DNAH5: variants seen among roughly 807,000 people sequenced by gnomAD.
DNAH5 encodes the protein dynein axonemal heavy chain 5, also known as axonemal beta dynein heavy chain 5.
Under a neutral mutation model 518.2 loss-of-function variants are expected in DNAH5, and 372 were observed. The observed-to-expected ratio is 0.72, with a 90% CI of 0.66 to 0.78. The LOEUF (loss-of-function observed/expected upper bound fraction) is 0.78, where lower values mean the gene tolerates loss of function less well. Ranked by LOEUF, DNAH5 falls within the 30% of genes least tolerant of loss-of-function variation. The pLI, the probability that DNAH5 is intolerant of heterozygous loss-of-function variation, is 0.00. For synonymous variants in DNAH5, 2,039 were observed against 2,025.9 expected, an observed-to-expected ratio of 1.01 and a Z score of -0.17; for missense variants, 5,523 against 5,687.0, an observed-to-expected ratio of 0.97 and a Z score of 0.93.
intron 25 of DNAH5, among the ~76,000 whole-genome samples, chr5:13,866,657 T>C (rs193048569): frequency 1.2e-3 from 182 of 152,318 alleles, no homozygotes; most frequent in Middle Eastern, 6.8e-3. Flanking sequence ...TACCCACTTG[T>C]AAAGTGGCCT....
intron 41 of DNAH5, among the ~76,000 whole-genome samples, chr5:13,818,946 C>T (rs1761852306): frequency 1.3e-5 from 2 of 152,138 alleles, no homozygotes; most frequent in Non-Finnish European, 2.9e-5. Flanking sequence ...ACTACTAAAA[C>T]CAAAACCAAG....
intron 75 of DNAH5, among the ~76,000 whole-genome samples, chr5:13,710,153 C>A (rs187716984): frequency 5.9e-4 from 90 of 152,262 alleles, no homozygotes; most frequent in Middle Eastern, 3.4e-3. Context: ...GTGCAGAAAA[C>A]CCCCAGTACC....
chr5:13,853,724 A>G (rs1486410081), intron 30 of DNAH5, among the ~76,000 whole-genome samples: 1 of 151,982 alleles, frequency 6.6e-6, no homozygotes, highest in Non-Finnish European at 1.5e-5. Context: ...TTCGTGAAGC[A>G]TACAGAAGTA....
At position 13,807,819 on chromosome 5, in the gene DNAH5, C is replaced by T. The variant is rs1015223642; in HGVS notation, c.7753-94G>A. 72 of 1,024,840 alleles carry T rather than the reference C, an allele frequency of 7.0e-5. No homozygotes were observed. The African/African-American group carries it at 1.0e-3, about 15-fold the overall frequency. The allele number at this position is 1,024,840 out of a possible 1,614,324, so 63.5% of individuals were successfully genotyped here. ...CAAAATTCATATGCTGAATCTTCAA[C>T]CCCTAGTACCTTAAAATGTGATTCT... On this transcript the variant is annotated intron_variant, in intron 46 of 78. Transcript: ENST00000265104.
At chr5:13,929,373 C>T (rs943921199) in intron 2 of DNAH5, among the ~76,000 whole-genome samples, 2 of 152,080 alleles carry the variant, frequency 1.3e-5, no homozygotes, top group Non-Finnish European at 2.9e-5. Flanking sequence ...ATGGGTACAG[C>T]GTTTCTGTTT....
rs372594127 is a variant in DNAH5, at chr5:13,920,572, C to T, written c.706G>A (p.Glu236Lys). ...CDILELKTLK[E>K]PTDYLTLANN... ...GCTAGAGTCAAGTAGTCCGTAGGTTCCTTTAGGGTTTTCAGTTCAAGTATG... is the reference window on the plus strand; with the variant it reads ...GCTAGAGTCAAGTAGTCCGTAGGTTTCTTTAGGGTTTTCAGTTCAAGTATG... Residue 236 changes from glutamate (E) to lysine (K), a missense_variant, in exon 6 of 79, where the codon GAA becomes AAA. Transcript: ENST00000265104. 4.3e-6 allele frequency: 7 copies of T among 1,614,120 alleles called. No individual in the cohort carries two copies. Among genetic ancestry groups the T allele is most frequent in the Non-Finnish European group, 5.9e-6 (7 of 1,180,006 alleles).
chr5:13,753,677 G>C (rs1750581600), intron 62 of DNAH5, 128 bp from the exon 63 acceptor site: 1 of 845,738 alleles, frequency 1.2e-6, no homozygotes, highest in African/African-American at 1.7e-5. Context: ...TCAAACTGGA[G>C]GCACAAGTGG....
chr5:13,995,815 T>C (rs1783895842), intron 1 of DNAH5, among the ~76,000 whole-genome samples: 1 of 152,140 alleles, frequency 6.6e-6, no homozygotes, highest in Non-Finnish European at 1.5e-5. Flanking sequence ...AATACAAAAA[T>C]AATTTAGTCC....
chr5:13,723,543 A>G (rs747185097), intron 70 of DNAH5, among the ~76,000 whole-genome samples: 21 of 152,238 alleles, frequency 1.4e-4, no homozygotes, highest in Non-Finnish European at 2.5e-4. Flanking sequence ...TTAGAATACT[A>G]TGGGGCCAGA....
chr5:13,695,018 G>A (rs1741173898), intron 78 of DNAH5, among the ~76,000 whole-genome samples: 1 of 152,176 alleles, frequency 6.6e-6, no homozygotes, highest in Non-Finnish European at 1.5e-5. Context: ...GAGCTATAGT[G>A]ATAACTGAGA....
chr5:13,819,973 G>A (rs757265092), intron 41 of DNAH5, among the ~76,000 whole-genome samples: 10 of 152,006 alleles, frequency 6.6e-5, no homozygotes, highest in East Asian at 5.8e-4. Flanking sequence ...TTTTTTAAGC[G>A]CGCCCTGACC....
chr5:13,922,727 CA>C (rs35310788), intron 4 of DNAH5, among the ~76,000 whole-genome samples: 50,893 of 94,658 alleles, frequency 0.54, 10,852 homozygotes, highest in East Asian at 0.78. Context: ...GACCCTGTCT[CA>C]AAAAAAAAAA....
intron 1 of DNAH5, among the ~76,000 whole-genome samples, chr5:13,960,584 T>C (rs1781109596): frequency 6.6e-6 from 1 of 152,240 alleles, no homozygotes; most frequent in Non-Finnish European, 1.5e-5. Flanking sequence ...GTCTGTAATA[T>C]TTATTTATCT....
In DNAH5 at chr5:13,769,087, G is replaced by A. The variant is rs868689657; in HGVS notation, c.9770C>T (p.Ala3257Val). The change falls in exon 58 of 79, where the codon GCT (alanine) becomes GTT (valine). Residue 3257 changes from alanine (A) to valine (V), a missense_variant. Ala to Val is a moderately conservative substitution (Grantham distance 64). Coordinates refer to ENST00000265104, the MANE Select transcript of DNAH5 (RefSeq NM_001369.3). ...CCTGTCCTTCACCTTCTGTACCTCA[G>A]CCTTGACCTTTTCAGCAGCCTGTGC... The part of the protein sequence containing the change: ...MKAQAAEKVK[A>V]EVQKVKDRAQ... 1.2e-6 allele frequency: 2 copies of A among 1,614,130 alleles called. No individual in the cohort carries two copies. Among genetic ancestry groups the A allele is most frequent in the Non-Finnish European group, 1.7e-6 (2 of 1,180,020 alleles).
At chr5:13,710,920 C>A (rs1054474925) in intron 75 of DNAH5, among the ~76,000 whole-genome samples, 1 of 152,136 alleles carries the variant, frequency 6.6e-6, no homozygotes, top group Non-Finnish European at 1.5e-5. Context: ...GGATTCACAG[C>A]AGAATTCTGC....
intron 70 of DNAH5, among the ~76,000 whole-genome samples, chr5:13,722,172 G>A (rs570385485): frequency 1.8e-4 from 27 of 152,150 alleles, no homozygotes; most frequent in Admixed American, 5.9e-4. Flanking sequence ...TCCAATTCCC[G>A]GAGAAACACA....
intron 1 of DNAH5, among the ~76,000 whole-genome samples, chr5:13,971,309 G>T (rs1297367059): frequency 1.3e-5 from 2 of 152,016 alleles, no homozygotes; most frequent in African/African-American, 4.8e-5. Flanking sequence ...ATCCATTGCT[G>T]ATCAGCTAAT....
intron 22 of DNAH5, among the ~76,000 whole-genome samples, 177 bp downstream of exon 22, chr5:13,876,507 C>A (rs914273093): frequency 6.6e-6 from 1 of 152,172 alleles, no homozygotes; most frequent in African/African-American, 2.4e-5. Flanking sequence ...TTTCACCTTG[C>A]AATCTAGAAT....
intron 38 of DNAH5, among the ~76,000 whole-genome samples, chr5:13,826,546 C>G (rs1420062354): frequency 1.3e-5 from 2 of 152,148 alleles, no homozygotes; most frequent in Non-Finnish European, 2.9e-5. Flanking sequence ...GCTTTTCCCC[C>G]TCTTCACTCA....
Sources: gnomAD v4.1 joint callset for allele counts (sites outside exome capture counted in the v4.1 genomes callset) on GRCh38, gnomAD v4.1.1 for gene constraint, MANE v1.5 for transcripts, NCBI Gene and HGNC (gene_info 2026-07-23, HGNC 2026-07-21) for gene names.